The following SORCS3 variants were observed in gnomAD, a reference collection of about 807,000 sequenced individuals.
The protein encoded by SORCS3 is VPS10 domain-containing receptor SorCS3.
SORCS3 carries 57 observed loss-of-function variants against 146.3 expected under a neutral mutation model. That is an observed-to-expected ratio of 0.39 (90% CI 0.31 to 0.49). The LOEUF is 0.49. SORCS3 is among the 20% of genes least tolerant of loss of function. The pLI is 0.92. For synonymous variants in SORCS3, 653 were observed against 618.5 expected (o/e 1.06, Z -0.83); for missense variants, 1,341 against 1,575.5 (o/e 0.85, Z 2.52).
intron 1 of SORCS3, among the ~76,000 whole-genome samples, chr10:104,681,955 T>C (rs1339659770): frequency 6.6e-6 from 1 of 152,226 alleles, no homozygotes; most frequent in Non-Finnish European, 1.5e-5. Flanking sequence ...GTAAATGTCC[T>C]GCATATTGTA....
chr10:104,795,282 C>T (rs938614992), intron 1 of SORCS3, among the ~76,000 whole-genome samples: 1 of 152,232 alleles, frequency 6.6e-6, no homozygotes. Flanking sequence ...GCAGACTGAT[C>T]GATCAGATGT....
chr10:105,027,116 G>A (rs986324747), intron 4 of SORCS3, among the ~76,000 whole-genome samples: 1 of 152,042 alleles, frequency 6.6e-6, no homozygotes, highest in Admixed American at 6.6e-5. Context: ...AGCCACACTG[G>A]CCCATACTGT....
intron 14 of SORCS3, among the ~76,000 whole-genome samples, chr10:105,181,677 C>T (rs2056443735): frequency 6.6e-6 from 1 of 152,104 alleles, no homozygotes; most frequent in Admixed American, 6.5e-5. Flanking sequence ...TTAAACATCC[C>T]CCTGGTAACT....
intron 4 of SORCS3, among the ~76,000 whole-genome samples, chr10:105,000,034 C>A (rs2055051647): frequency 6.6e-6 from 1 of 151,412 alleles, no homozygotes; most frequent in Non-Finnish European, 1.5e-5. Context: ...TAAAGCTCAG[C>A]TCTGGTCATG....
intron 1 of SORCS3, among the ~76,000 whole-genome samples, chr10:104,777,752 C>T (rs917084473): frequency 2.0e-5 from 3 of 151,932 alleles, no homozygotes; most frequent in African/African-American, 7.3e-5. Context: ...GAGTGTGTGT[C>T]GGGGGTAGTG....
Position 105,157,367 on chromosome 10 carries a change from G to A in SORCS3, c.1629+83G>A, listed in dbSNP as rs189856219. 5 of 1,542,280 alleles carry A rather than the reference G, an allele frequency of 3.2e-6. No individual in the cohort carries two copies. In the African/African-American group the frequency reaches 6.8e-5, roughly 21 times the overall value. The stretch of plus-strand genomic sequence containing the variant: ...GTGTCGAGGGCTTTGTTTCGTCAAA[G>A]GGTCTTAGGAACTCAGGTGGTGCAG... On this transcript the variant is annotated intron_variant, in intron 10 of 26. Transcript: ENST00000369701.
intron 9 of SORCS3, among the ~76,000 whole-genome samples, chr10:105,150,084 G>T (rs1317329314): frequency 6.6e-6 from 1 of 152,130 alleles, no homozygotes; most frequent in Non-Finnish European, 1.5e-5. Flanking sequence ...AGGAAGGCAG[G>T]AGAGTTATGA....
At chr10:105,199,678 G>A (rs1397566702) in intron 14 of SORCS3, among the ~76,000 whole-genome samples, 1 of 152,094 alleles carries the variant, frequency 6.6e-6, no homozygotes. Context: ...TTTTATATGG[G>A]TGTTGAGTTT....
At chr10:105,035,164 T>A (rs908840351) in intron 4 of SORCS3, among the ~76,000 whole-genome samples, 3 of 152,182 alleles carry the variant, frequency 2.0e-5, no homozygotes, top group African/African-American at 7.2e-5. Flanking sequence ...AGACACAGTG[T>A]TTTTCTGGAG....
intron 14 of SORCS3, among the ~76,000 whole-genome samples, chr10:105,187,431 T>C (rs1953071): frequency 0.24 from 37,172 of 152,052 alleles, 4,519 homozygotes; most frequent in East Asian, 0.32. Context: ...CCCATCTACA[T>C]CCTAATGGGA....
At chr10:104,662,601 T>G (rs2015716212) in intron 1 of SORCS3, among the ~76,000 whole-genome samples, 1 of 152,230 alleles carries the variant, frequency 6.6e-6, no homozygotes, top group South Asian at 2.1e-4. Context: ...AAGGTTGAAC[T>G]GCTGACCCCA....
chr10:105,132,778 A>G (rs1435282266), intron 7 of SORCS3, among the ~76,000 whole-genome samples: 1 of 152,210 alleles, frequency 6.6e-6, no homozygotes, highest in Non-Finnish European at 1.5e-5. Context: ...CGAACCAGTC[A>G]TTAGTAAGGA....
At chr10:105,181,583 A>G (rs900194481) in intron 14 of SORCS3, among the ~76,000 whole-genome samples, 3 of 152,150 alleles carry the variant, frequency 2.0e-5, no homozygotes, top group Admixed American at 6.6e-5. Flanking sequence ...GAGGATTTAC[A>G]TGGGAGACAG....
intron 1 of SORCS3, among the ~76,000 whole-genome samples, chr10:104,842,433 A>G (rs540164164): frequency 6.6e-6 from 1 of 152,298 alleles, no homozygotes; most frequent in East Asian, 1.9e-4. Flanking sequence ...CAAGCCTATC[A>G]TCTGATCTCT....
At chr10:105,032,696 A>G (rs2055277302) in intron 4 of SORCS3, among the ~76,000 whole-genome samples, 1 of 152,194 alleles carries the variant, frequency 6.6e-6, no homozygotes, top group Admixed American at 6.5e-5. Flanking sequence ...TAAATAAATG[A>G]CCTAAAACTA....
intron 3 of SORCS3, among the ~76,000 whole-genome samples, chr10:104,945,589 T>C (rs1269320502): frequency 6.7e-6 from 1 of 149,764 alleles, no homozygotes; most frequent in South Asian, 2.1e-4. Flanking sequence ...TTTTTAATCA[T>C]GGAAGTGAAT....
chr10:105,259,941 C>G (rs1051452356), intron 25 of SORCS3, among the ~76,000 whole-genome samples: 1 of 152,160 alleles, frequency 6.6e-6, no homozygotes, highest in African/African-American at 2.4e-5. Flanking sequence ...CTCTTGATCT[C>G]TTCATTTCCC....
chr10:105,254,053 C>T (rs1400701179), intron 23 of SORCS3, among the ~76,000 whole-genome samples: 1 of 152,200 alleles, frequency 6.6e-6, no homozygotes, highest in South Asian at 2.1e-4. Flanking sequence ...AAGTCGGCCT[C>T]AGCTTTCATG....
chr10:105,010,421 A>G (rs947180242), intron 4 of SORCS3, among the ~76,000 whole-genome samples: 10 of 152,250 alleles, frequency 6.6e-5, no homozygotes, highest in Non-Finnish European at 5.9e-5. Context: ...TGTTTTTCTC[A>G]GACAAGACCT....
Sources: gnomAD v4.1 joint callset for allele counts (sites outside exome capture counted in the v4.1 genomes callset) on GRCh38, gnomAD v4.1.1 for gene constraint, MANE v1.5 for transcripts, NCBI Gene and HGNC (gene_info 2026-07-23, HGNC 2026-07-21) for gene names.